KMT2A: variants seen among roughly 807,000 people sequenced by gnomAD.
KMT2A encodes the protein lysine methyltransferase 2A, also known as histone-lysine N-methyltransferase 2A.
In KMT2A, 16 loss-of-function variants were observed where a neutral mutation model predicts 345.3. The ratio of observed to expected loss-of-function variants is 0.05; its 90% CI spans 0.03 to 0.07. The LOEUF is 0.07. Among genes scored for constraint, KMT2A ranks in the 10% least tolerant of loss-of-function variants. The probability of loss-of-function intolerance (pLI) is 1.00; values close to 1 mark genes in which losing one functional copy is unlikely to be tolerated. For synonymous variants in KMT2A, 1,599 were observed against 1,778.6 expected (o/e 0.90, Z 2.54); for missense variants, 3,272 against 4,841.6 (o/e 0.68, Z 9.62).
In KMT2A at chr11:118,523,704, G is replaced by C. The variant is rs1555054437; in HGVS notation, c.*1532G>C. ...TTTTAATAATTTTTTATTTTCATAG[G>C]ATGAAGTTAGAGAAAATATTCAGCT... On this transcript the variant is annotated 3_prime_UTR_variant, in exon 36 of 36. Coordinates refer to ENST00000534358, the MANE Select transcript of KMT2A (RefSeq NM_001197104.2). 4.4e-6 allele frequency: 1 copy of C among 225,296 alleles called. No homozygotes were observed. The highest frequency in any genetic ancestry group is 6.5e-5 in the East Asian group (1 of 15,486). 14.0% of individuals were successfully genotyped at this position (225,296 alleles called of 1,614,324 possible).
Position 118,506,002 on chromosome 11 carries a change from A to G in KMT2A, c.10110A>G (p.Pro3370=). 6.2e-7 allele frequency: 1 copy of G among 1,614,168 alleles called. No homozygotes were observed. The highest frequency in any genetic ancestry group is 8.5e-7 in the Non-Finnish European group (1 of 1,180,010). Residue 3370 remains proline (P), a synonymous_variant, in exon 27 of 36, where the codon CCA becomes CCG. Coordinates refer to ENST00000534358, the MANE Select transcript of KMT2A (RefSeq NM_001197104.2). ...SVPGHVTLTN[P]RLLGTPDIGS... ...CAGGACACGTCACCTTAACCAACCC[A>G]AGGTTGCTTGGTACCCCAGATATTG... is the stretch of plus-strand genomic sequence containing the variant.
intron 8 of KMT2A, among the ~76,000 whole-genome samples, chr11:118,483,712 C>A (rs1360767504): frequency 6.6e-6 from 1 of 152,150 alleles, no homozygotes; most frequent in East Asian, 1.9e-4. Context: ...AAAAATCACC[C>A]TTCCCTGTAT....
At chr11:118,445,602 C>A (rs1422196576) in intron 1 of KMT2A, among the ~76,000 whole-genome samples, 2 of 152,302 alleles carry the variant, frequency 1.3e-5, no homozygotes, top group African/African-American at 4.8e-5. Flanking sequence ...AGAAGAAATG[C>A]TGAATTGTAG....
rs1357116692 is a variant in KMT2A, at chr11:118,526,144, G to C, written c.*3972G>C. On this transcript the variant is annotated 3_prime_UTR_variant, in exon 36 of 36. Coordinates refer to ENST00000534358, the MANE Select transcript of KMT2A (RefSeq NM_001197104.2). ...ACTTTCCTCTGATTCCCGAAATGGGGGGAACCTCTAACCATAAAGGAATGG... is the reference window on the plus strand; with the variant it reads ...ACTTTCCTCTGATTCCCGAAATGGGCGGAACCTCTAACCATAAAGGAATGG... 9.2e-6 allele frequency: 2 copies of C among 217,620 alleles called. No homozygotes were observed. Among genetic ancestry groups the C allele is most frequent in the African/African-American group, 4.5e-5 (2 of 44,502 alleles). 13.5% of individuals were successfully genotyped at this position (217,620 alleles called of 1,614,324 possible). A position where few individuals can be genotyped will look rare whatever the true frequency, so the allele number is the denominator to read the frequency against.
intron 10 of KMT2A, 30 bp downstream of exon 10, chr11:118,485,005 G>C (rs1555040500): frequency 7.8e-7 from 1 of 1,289,068 alleles, no homozygotes. Flanking sequence ...TGTACCCCAG[G>C]AAGTACATAA....
intron 28 of KMT2A, 126 bp from the exon 29 acceptor site, chr11:118,509,010 G>A: frequency 1.4e-6 from 1 of 693,754 alleles, no homozygotes; most frequent in African/African-American, 1.8e-5. Flanking sequence ...AAGTTCTACA[G>A]AAAGCCCCCT....
In KMT2A at chr11:118,505,950, C is replaced by G. The variant is rs782188358; in HGVS notation, c.10058C>G (p.Thr3353Arg). 1 of 1,614,210 alleles carries G rather than the reference C, an allele frequency of 6.2e-7. No homozygotes were observed. The highest frequency in any genetic ancestry group is 8.5e-7 in the Non-Finnish European group (1 of 1,180,048). The part of the protein sequence containing the change: ...VLNVVSMQTT[T>R]TPTSSASVPG... ...AATGTTGTATCCATGCAAACTACCA[C>G]AACCCCTACAAGTAGTGCGTCAGTT... Residue 3353 changes from threonine (T) to arginine (R), a missense_variant, in exon 27 of 36, where the codon ACA becomes AGA. This residue lies in a region of KMT2A where 748 missense variants were observed against 922.2 expected (regional missense o/e 0.81). Transcript: ENST00000534358. This position sits in a 1 kb window ranked among gnomAD's most constrained non-coding sequence, Gnocchi z 4.6.
At position 118,472,107 on chromosome 11, in the gene KMT2A, G is replaced by C. The variant is rs782049886; in HGVS notation, c.948G>C (p.Ser316=). Residue 316 remains serine (S), a synonymous_variant, in exon 3 of 36, where the codon TCG becomes TCC. Transcript: ENST00000534358. ...PPSTERIKTP[S]GLLINSELEK... ...CAACAGAAAGGATAAAGACCCCTTCGGGTCTCCTCATTAATTCTGAACTGG... is the reference window on the plus strand; with the variant it reads ...CAACAGAAAGGATAAAGACCCCTTCCGGTCTCCTCATTAATTCTGAACTGG... 1.2e-6 allele frequency: 2 copies of C among 1,613,910 alleles called. No individual in the cohort carries two copies. Among genetic ancestry groups the C allele is most frequent in the East Asian group, 2.2e-5 (1 of 44,884 alleles).
Position 118,521,063 on chromosome 11 carries a change from T to G in KMT2A, c.11513+178T>G. 1.5e-6 allele frequency: 1 copy of G among 649,816 alleles called. No individual in the cohort carries two copies. The highest frequency in any genetic ancestry group is 2.0e-5 in the South Asian group (1 of 50,958). The allele number at this position is 649,816 out of a possible 1,614,324, so 40.3% of individuals were successfully genotyped here. ...CTTGTGTTGAACAAGGACTTTAACA[T>G]AATAAGCATTAAAATATTACTGCTT... On this transcript the variant is annotated intron_variant, in intron 34 of 35. Transcript: ENST00000534358. This position sits in a 1 kb window ranked among gnomAD's most constrained non-coding sequence, Gnocchi z 5.3.
chr11:118,477,586 C>T (rs7937140), intron 4 of KMT2A, among the ~76,000 whole-genome samples: 3,128 of 125,550 alleles, frequency 0.025, 137 homozygotes, highest in African/African-American at 0.083. Flanking sequence ...CGGCTCACTA[C>T]AGCCTCCACT....
At position 118,477,498 on chromosome 11, in the gene KMT2A, CTTTTTTTTTTTTT is replaced by C. The variant is rs11430367; in HGVS notation, c.3335-454_3335-442del. On this transcript the variant is annotated intron_variant, in intron 4 of 35. Transcript: ENST00000534358. ...CTTTCATCAAGATGCAAGTTATTGGCTTTTTTTTTTTTTTTTTTTTTTTTTTTGAGACGGAGCC... is the reference window on the plus strand; with the variant it reads ...CTTTCATCAAGATGCAAGTTATTGGCTTTTTTTTTTTTTTGAGACGGAGCC... 8.8e-5 allele frequency among the ~76,000 whole-genome samples: 5 copies of C among 56,940 alleles called. No homozygotes were observed. The Admixed American group carries it at 9.5e-4, about 11-fold the overall frequency. The allele number at this position is 56,940 out of a possible 152,430, so 37.4% of individuals were successfully genotyped here.
At chr11:118,518,632 A>C (rs1027067368) in intron 31 of KMT2A, among the ~76,000 whole-genome samples, 2 of 151,936 alleles carry the variant, frequency 1.3e-5, no homozygotes, top group South Asian at 2.1e-4. Context: ...AATACAAAAA[A>C]ATTAGCTGGG....
chr11:118,451,727 A>G (rs1949543093), intron 1 of KMT2A, among the ~76,000 whole-genome samples: 4 of 151,628 alleles, frequency 2.6e-5, no homozygotes. Flanking sequence ...CCCAGGCTCA[A>G]GCAGTCGTCC....
At position 118,492,872 on chromosome 11, in the gene KMT2A, T is replaced by TA. The variant is rs545715501; in HGVS notation, c.5005-183dup. ...AGAAAAGCTCCTAAGTTACCCTAGC[T>TA]AAGCTATTACATAACAGTCTCATTT... On this transcript the variant is annotated intron_variant, in intron 15 of 35. Coordinates refer to ENST00000534358, the MANE Select transcript of KMT2A (RefSeq NM_001197104.2). Among the ~76,000 whole-genome samples, 278 of 152,346 alleles carry TA rather than the reference T, an allele frequency of 1.8e-3. 1 individual carries two copies. The highest frequency in any genetic ancestry group is 4.1e-3 in the Admixed American group (62 of 15,304).
chr11:118,510,112 A>G lies in KMT2A; in HGVS notation c.11065A>G (p.Ile3689Val). 2 of 1,605,084 alleles carry G rather than the reference A, an allele frequency of 1.2e-6. No individual in the cohort carries two copies. Among genetic ancestry groups the G allele is most frequent in the Non-Finnish European group, 1.7e-6 (2 of 1,174,716 alleles). ...TGGCTTTCAGATCTGTGCAGAAAGT[A>G]TTGAAGGTGAGTGGATTAAATCAGG... is the stretch of plus-strand genomic sequence containing the variant. ...DDGFQICAESIEDAWKSLTDK... is the reference protein window; with the variant it reads ...DDGFQICAESVEDAWKSLTDK... The change falls in exon 30 of 36, where the codon ATT (isoleucine) becomes GTT (valine). Residue 3689 changes from isoleucine (I) to valine (V), a missense_variant. By Grantham distance (29) the Ile-to-Val change is conservative. This residue lies in a region of KMT2A where 72 missense variants were observed against 135.6 expected (regional missense o/e 0.53). Coordinates refer to ENST00000534358, the MANE Select transcript of KMT2A (RefSeq NM_001197104.2). The surrounding 1 kb of genome is among the most constrained non-coding windows in gnomAD (Gnocchi z 4.1).
chr11:118,498,131 T>A lies in KMT2A; in HGVS notation c.5802+58T>A. On this transcript the variant is annotated intron_variant, in intron 21 of 35. Transcript: ENST00000534358. The surrounding 1 kb of genome is among the most constrained non-coding windows in gnomAD (Gnocchi z 4.4). ...ATTCCCTCTCAGTTTCCAGATATTC[T>A]TCCTGTGGGTGAATATGGCCTCCCT... 1.9e-6 allele frequency: 3 copies of A among 1,565,590 alleles called. No individual in the cohort carries two copies. Among genetic ancestry groups the A allele is most frequent in the Non-Finnish European group, 1.8e-6 (2 of 1,139,866 alleles).
At chr11:118,509,062 A>T (rs1205045433) in intron 28 of KMT2A, 74 bp from the exon 29 acceptor site, 24 of 1,269,410 alleles carry the variant, frequency 1.9e-5, no homozygotes, top group Admixed American at 1.8e-4. Context: ...CCACAGCTGT[A>T]TAGAAAATTC....
Position 118,525,074 on chromosome 11 carries a change from G to A in KMT2A, c.*2902G>A, listed in dbSNP as rs1354029829. ...CTGCCAGCAACTTGGGGGAATAAGC[G>A]AAGGTTTCCCTACAAGAGGGAAAGA... On this transcript the variant is annotated 3_prime_UTR_variant, in exon 36 of 36. Coordinates refer to ENST00000534358, the MANE Select transcript of KMT2A (RefSeq NM_001197104.2). The A allele has an allele frequency of 2.3e-5, 5 of 217,436 alleles. No individual in the cohort carries two copies. The highest frequency in any genetic ancestry group is 1.9e-4 in the South Asian group (1 of 5,398). The allele number at this position is 217,436 out of a possible 1,614,324, so 13.5% of individuals were successfully genotyped here. A position where few individuals can be genotyped will look rare whatever the true frequency, so the allele number is the denominator to read the frequency against.
At chr11:118,500,859 CA>C in intron 24 of KMT2A, 127 bp from the exon 25 acceptor site, 1 of 602,506 alleles carries the variant, frequency 1.7e-6, no homozygotes, top group Non-Finnish European at 2.8e-6. Context: ...ACTAAGAACC[CA>C]TAAAATAAAG....
Sources: allele counts gnomAD v4.1 joint callset (sites outside exome capture counted in the v4.1 genomes callset), GRCh38; gene constraint gnomAD v4.1.1; regional missense constraint gnomAD v4.1.1; non-coding constraint Gnocchi (gnomAD v3.1); transcripts MANE v1.5; gene names NCBI Gene and HGNC (gene_info 2026-07-23, HGNC 2026-07-21).